The following TBC1D5 variants were observed in gnomAD, a reference collection of about 807,000 sequenced individuals.
TBC1D5 encodes the protein TBC1 domain family member 5, also known as TBC1 domain family, member 5.
In TBC1D5, 75 loss-of-function variants were observed where a neutral mutation model predicts 100.3. That is an observed-to-expected ratio of 0.75 (90% confidence interval 0.62 to 0.91). The LOEUF is 0.91. TBC1D5 is among the 40% of genes least tolerant of loss of function. TBC1D5 has a pLI of 0.00. For missense variants in TBC1D5, 910 were observed against 942.4 expected, an observed-to-expected ratio of 0.97 and a Z score of 0.45; for synonymous variants, 323 against 325.6, an observed-to-expected ratio of 0.99 and a Z score of 0.09.
intron 17 of TBC1D5, among the ~76,000 whole-genome samples, chr3:17,234,408 T>A: frequency 6.9e-6 from 1 of 144,812 alleles, no homozygotes. Flanking sequence ...AAAAGCAATT[T>A]AAAATATAGA....
rs183294363 is a variant in TBC1D5, at chr3:17,421,179, T to C, written c.167+7271A>G. Among the ~76,000 whole-genome samples, 26 of 152,312 alleles carry C rather than the reference T, an allele frequency of 1.7e-4. No homozygotes were observed. In the East Asian group the frequency reaches 4.8e-3, roughly 28 times the overall value. ...AGCACAGATACTATCATAAAAATAA[T>C]ACGTTACTTCGAGAAGATGTATTCA... On this transcript the variant is annotated intron_variant, in intron 4 of 21. Coordinates refer to ENST00000253692, the Ensembl canonical transcript of TBC1D5.
At chr3:17,233,664 A>T in intron 17 of TBC1D5, 21 bp downstream of exon 18, 1 of 1,417,774 alleles carries the variant, frequency 7.1e-7, no homozygotes, top group East Asian at 2.5e-5. Flanking sequence ...AAGAAACACT[A>T]TGTTGTTATG....
Position 17,689,533 on chromosome 3 carries a change from A to G in TBC1D5, c.-101+49810T>C, listed in dbSNP as rs540889874. ...GACCCTGTCTCAAAAAAAAAAAAAA[A>G]AAAGAAAAGAAAAAGAGAAAAAAGG... is the stretch of plus-strand genomic sequence containing the variant. On this transcript the variant is annotated intron_variant, in intron 1 of 21. Coordinates refer to ENST00000253692, the Ensembl canonical transcript of TBC1D5. Among the ~76,000 whole-genome samples, 923 of 151,776 alleles carry G rather than the reference A, an allele frequency of 6.1e-3. 4 individuals carry two copies. The highest frequency in any genetic ancestry group is 7.6e-3 in the African/African-American group (317 of 41,468).
At chr3:17,507,249 T>C (rs560011189) in intron 3 of TBC1D5, among the ~76,000 whole-genome samples, 1 of 152,316 alleles carries the variant, frequency 6.6e-6, no homozygotes, top group South Asian at 2.1e-4. Context: ...AAAGGTGTCA[T>C]GCCTAGCACT....
intron 1 of TBC1D5, among the ~76,000 whole-genome samples, chr3:17,658,647 A>G (rs1039856348): frequency 6.6e-6 from 1 of 152,166 alleles, no homozygotes; most frequent in Non-Finnish European, 1.5e-5. Flanking sequence ...ATCTACTCTG[A>G]TATCTGAGAC....
intron 4 of TBC1D5, among the ~76,000 whole-genome samples, chr3:17,409,975 T>G (rs1444804699): frequency 1.3e-5 from 2 of 152,108 alleles, no homozygotes; most frequent in African/African-American, 4.8e-5. Flanking sequence ...CAATAAACAA[T>G]AGATATTCAA....
intron 19 of TBC1D5, among the ~76,000 whole-genome samples, chr3:17,174,475 C>T (rs1459490476): frequency 6.6e-6 from 1 of 152,188 alleles, no homozygotes; most frequent in Non-Finnish European, 1.5e-5. Context: ...GAGGTCTGTT[C>T]TCTCCTGCTC....
At chr3:17,627,420 A>G (rs1448107075) in intron 1 of TBC1D5, among the ~76,000 whole-genome samples, 2 of 152,218 alleles carry the variant, frequency 1.3e-5, no homozygotes, top group African/African-American at 4.8e-5. Flanking sequence ...AGGGAAGAAC[A>G]AAGAGCAGAG....
Position 17,478,482 on chromosome 3 carries a change from GTATTGTTT to G in TBC1D5, c.97+29984_97+29991del, listed in dbSNP as rs537719130. ...TTATAACTTTCCTTAATTTCTTCCA[GTATTGTTT>G]TATAGTTGTCAGTGTACTTCCTCTA... On this transcript the variant is annotated intron_variant, in intron 3 of 21. Transcript: ENST00000253692. Among the ~76,000 whole-genome samples, 468 of 152,148 alleles carry G rather than the reference GTATTGTTT, an allele frequency of 3.1e-3. 1 individual carries two copies. The highest frequency in any genetic ancestry group is 0.01 in the African/African-American group (415 of 41,490).
chr3:17,237,274 A>G lies in TBC1D5; in HGVS notation c.1588+889T>C, dbSNP rs187844012. On this transcript the variant is annotated intron_variant, in intron 17 of 21. Transcript: ENST00000253692. ...TTTTTAAGTATTTTTTGCCATCAAG[A>G]TACAACTTCTTGCTTCTAGAGTACA... 8.7e-4 allele frequency among the ~76,000 whole-genome samples: 132 copies of G among 152,346 alleles called. 2 individuals carry two copies. The highest frequency in any genetic ancestry group is 4.4e-5 in the Non-Finnish European group (3 of 68,020).
intron 1 of TBC1D5, among the ~76,000 whole-genome samples, chr3:17,726,949 C>T (rs1346885757): frequency 6.6e-6 from 1 of 152,130 alleles, no homozygotes; most frequent in Admixed American, 6.5e-5. Context: ...TAGAATCTTA[C>T]CAAATCTAAC....
chr3:17,371,909 C>T (rs1470875835), intron 13 of TBC1D5, among the ~76,000 whole-genome samples, 166 bp downstream of exon 13: 3 of 152,012 alleles, frequency 2.0e-5, no homozygotes, highest in African/African-American at 7.2e-5. Flanking sequence ...TGGTGGCACG[C>T]GTCTGTGGTA....
chr3:17,291,285 T>C (rs1018202779), intron 15 of TBC1D5, among the ~76,000 whole-genome samples: 4 of 152,252 alleles, frequency 2.6e-5, no homozygotes, highest in Non-Finnish European at 1.5e-5. Flanking sequence ...AATATAACAT[T>C]AGTTGTAAAA....
intron 1 of TBC1D5, chr3:17,647,021 T>C (rs2065078491): frequency 6.6e-6 from 1 of 152,054 alleles, no homozygotes; most frequent in African/African-American, 2.4e-5. Flanking sequence ...TTGTTTATAA[T>C]GGGTGAAAAA....
At chr3:17,327,073 G>A (rs1368315456) in intron 13 of TBC1D5, among the ~76,000 whole-genome samples, 2 of 151,964 alleles carry the variant, frequency 1.3e-5, no homozygotes, top group Non-Finnish European at 2.9e-5. Flanking sequence ...CTTTCACCTT[G>A]ATTAACCAAT....
chr3:17,590,227 A>G (rs2096757943), intron 2 of TBC1D5, among the ~76,000 whole-genome samples: 1 of 152,158 alleles, frequency 6.6e-6, no homozygotes. Flanking sequence ...CAGGCATGGG[A>G]ATGTACATTA....
At chr3:17,340,227 A>G (rs1432532898) in intron 13 of TBC1D5, among the ~76,000 whole-genome samples, 1 of 152,186 alleles carries the variant, frequency 6.6e-6, no homozygotes, top group East Asian at 1.9e-4. Flanking sequence ...ATGGGTCACA[A>G]CATGAAGGGA....
rs547270246 is a variant in TBC1D5, at chr3:17,403,326, A to G, written c.442-78T>C. 2.5e-5 allele frequency: 25 copies of G among 981,416 alleles called. No individual in the cohort carries two copies. In the South Asian group the frequency reaches 5.7e-4, roughly 23 times the overall value. 60.8% of individuals were successfully genotyped at this position (981,416 alleles called of 1,614,324 possible). A position where few individuals can be genotyped will look rare whatever the true frequency, so the allele number is the denominator to read the frequency against. On this transcript the variant is annotated intron_variant, in intron 7 of 21. Transcript: ENST00000253692. ...TAGTGATTTCAATTTAATAATGTAA[A>G]TGGTTAAAATTTATTCTTCTCTGAG...
intron 2 of TBC1D5, among the ~76,000 whole-genome samples, chr3:17,580,375 A>C (rs560403114): frequency 1.3e-5 from 2 of 152,318 alleles, no homozygotes; most frequent in South Asian, 4.1e-4. Flanking sequence ...AGAACTACAG[A>C]AGAAGCCTAA....
Sources: allele counts gnomAD v4.1 joint callset (sites outside exome capture counted in the v4.1 genomes callset), GRCh38; gene constraint gnomAD v4.1.1; transcripts MANE v1.5; gene names NCBI Gene and HGNC (gene_info 2026-07-23, HGNC 2026-07-21).